Variants in NMNAT2 observed in about 807,000 individuals in gnomAD.
NMNAT2 encodes the protein nicotinamide/nicotinic acid mononucleotide adenylyltransferase 2.
A neutral mutation model predicts 41.6 loss-of-function variants in NMNAT2; 11 were observed. That is an observed-to-expected ratio of 0.26 (90% CI 0.17 to 0.44). NMNAT2 has a LOEUF of 0.44. Among genes scored for constraint, NMNAT2 ranks in the 20% least tolerant of loss-of-function variants. The pLI, the probability that NMNAT2 is intolerant of heterozygous loss-of-function variation, is 1.00. For synonymous variants in NMNAT2, 148 were observed against 151.2 expected, an observed-to-expected ratio of 0.98 and a Z score of 0.16; for missense variants, 288 against 407.7, an observed-to-expected ratio of 0.71 and a Z score of 2.53.
intron 1 of NMNAT2, among the ~76,000 whole-genome samples, chr1:183,373,660 C>T (rs1663604069): frequency 3.3e-5 from 5 of 151,234 alleles, no homozygotes; most frequent in Admixed American, 3.3e-4. Flanking sequence ...CTCTGTTGCC[C>T]AGGCTGGAGT....
chr1:183,365,904 A>G (rs1430262081), intron 1 of NMNAT2, among the ~76,000 whole-genome samples: 1 of 152,196 alleles, frequency 6.6e-6, no homozygotes, highest in Non-Finnish European at 1.5e-5. Context: ...GCAGGCACAG[A>G]CTGCAGATAA....
chr1:183,267,810 G>A (rs1463797759), intron 8 of NMNAT2, among the ~76,000 whole-genome samples: 1 of 152,070 alleles, frequency 6.6e-6, no homozygotes, highest in East Asian at 1.9e-4. Context: ...GTGGGCGAGT[G>A]GCCAATGCGG....
chr1:183,371,157 G>A (rs776337181), intron 1 of NMNAT2, among the ~76,000 whole-genome samples: 5 of 152,242 alleles, frequency 3.3e-5, no homozygotes, highest in African/African-American at 7.2e-5. Flanking sequence ...GGCATTAGAC[G>A]CACCTGATAA....
chr1:183,304,542 C>A (rs1417847164), intron 1 of NMNAT2: 3 of 802,822 alleles, frequency 3.7e-6, no homozygotes, highest in African/African-American at 1.7e-5. Flanking sequence ...CCTAAACAGG[C>A]ATGCACAGAG....
intron 1 of NMNAT2, among the ~76,000 whole-genome samples, chr1:183,361,586 T>A (rs1439407296): frequency 1.8e-5 from 2 of 112,120 alleles, no homozygotes; most frequent in Admixed American, 9.3e-5. Context: ...AAAGTGGCAA[T>A]GGCAAATCCT....
At chr1:183,388,338 G>A (rs1007287101) in intron 1 of NMNAT2, among the ~76,000 whole-genome samples, 1 of 152,226 alleles carries the variant, frequency 6.6e-6, no homozygotes, top group Non-Finnish European at 1.5e-5. Context: ...AGCAAACTGG[G>A]GGCAGAGTGG....
At chr1:183,325,478 ATCTT>A (rs1355117536) in intron 1 of NMNAT2, among the ~76,000 whole-genome samples, 1 of 152,220 alleles carries the variant, frequency 6.6e-6, no homozygotes, top group African/African-American at 2.4e-5. Flanking sequence ...ACTCAGGACT[ATCTT>A]TATGGTTTTC....
Position 183,407,344 on chromosome 1 carries a change from C to G in NMNAT2, c.85+10839G>C, listed in dbSNP as rs143714674. ...CAAGAATTATCTTGATTTTGAAGTCCCTAAGTCACTGGCACCTCGTGTTTG... is the reference window on the plus strand; with the variant it reads ...CAAGAATTATCTTGATTTTGAAGTCGCTAAGTCACTGGCACCTCGTGTTTG... On this transcript the variant is annotated intron_variant, in intron 1 of 10. Coordinates refer to ENST00000287713, the MANE Select transcript of NMNAT2 (RefSeq NM_015039.4). Among the ~76,000 whole-genome samples, 430 of 152,198 alleles carry G rather than the reference C, an allele frequency of 2.8e-3. 2 individuals carry two copies. Among genetic ancestry groups the G allele is most frequent in the Non-Finnish European group, 4.8e-3 (329 of 68,004 alleles).
At chr1:183,415,304 TATTA>T (rs1649224139) in intron 1 of NMNAT2, among the ~76,000 whole-genome samples, 1 of 152,222 alleles carries the variant, frequency 6.6e-6, no homozygotes, top group Non-Finnish European at 1.5e-5. Context: ...AATTTAGTTG[TATTA>T]ATTATTTCCG....
intron 5 of NMNAT2, among the ~76,000 whole-genome samples, chr1:183,285,602 TCCAGGCTTGAAAAGTAA>T: frequency 6.6e-6 from 1 of 152,204 alleles, no homozygotes; most frequent in African/African-American, 2.4e-5. Flanking sequence ...GCTTATGGTC[TCCAGGCTTGAAAAGTAA>T]TATCAGAATC....
chr1:183,304,513 T>C (rs1442990904), intron 1 of NMNAT2, among the ~76,000 whole-genome samples: 2 of 152,170 alleles, frequency 1.3e-5, no homozygotes, highest in African/African-American at 4.8e-5. Flanking sequence ...TACATGCATA[T>C]AGGGATCAGG....
chr1:183,412,305 C>T (rs1376896150), intron 1 of NMNAT2, among the ~76,000 whole-genome samples: 1 of 152,192 alleles, frequency 6.6e-6, no homozygotes, highest in Non-Finnish European at 1.5e-5. Context: ...CTCACTGCAA[C>T]CTCCGCCTCC....
At chr1:183,384,652 A>G (rs1201543464) in intron 1 of NMNAT2, among the ~76,000 whole-genome samples, 1 of 152,174 alleles carries the variant, frequency 6.6e-6, no homozygotes, top group East Asian at 1.9e-4. Flanking sequence ...TTGGGTGGGG[A>G]CACAGATCCA....
At chr1:183,381,145 G>A (rs1309550379) in intron 1 of NMNAT2, among the ~76,000 whole-genome samples, 2 of 152,176 alleles carry the variant, frequency 1.3e-5, no homozygotes, top group Admixed American at 6.5e-5. Context: ...GGTTGTGAGG[G>A]TGTGTGGGAG....
chr1:183,391,156 T>C (rs546009785), intron 1 of NMNAT2, among the ~76,000 whole-genome samples: 1 of 152,168 alleles, frequency 6.6e-6, no homozygotes, highest in Non-Finnish European at 1.5e-5. Flanking sequence ...TCTGCTTCTT[T>C]TGCCTGCTTC....
At chr1:183,319,425 T>C (rs190144893) in intron 1 of NMNAT2, among the ~76,000 whole-genome samples, 81 of 152,350 alleles carry the variant, frequency 5.3e-4, no homozygotes, top group South Asian at 4.8e-3. Context: ...TGCCACTGTT[T>C]AGAAAACCCA....
chr1:183,315,461 C>A (rs1002016361), intron 1 of NMNAT2, among the ~76,000 whole-genome samples: 1 of 149,862 alleles, frequency 6.7e-6, no homozygotes, highest in Non-Finnish European at 1.5e-5. Context: ...TGTGTGTGTG[C>A]GCTTGTGTGT....
chr1:183,360,315 C>A (rs550552686), intron 1 of NMNAT2, among the ~76,000 whole-genome samples: 1 of 152,130 alleles, frequency 6.6e-6, no homozygotes, highest in Non-Finnish European at 1.5e-5. Flanking sequence ...TTAGACTGGG[C>A]AAGATGGAAG....
At chr1:183,399,764 A>C (rs191176552) in intron 1 of NMNAT2, among the ~76,000 whole-genome samples, 1 of 152,356 alleles carries the variant, frequency 6.6e-6, no homozygotes, top group African/African-American at 2.4e-5. Context: ...CAACATACGC[A>C]AATCAATAAA....
Sources: gnomAD v4.1 joint callset for allele counts (sites outside exome capture counted in the v4.1 genomes callset) on GRCh38, gnomAD v4.1.1 for gene constraint, MANE v1.5 for transcripts, NCBI Gene and HGNC (gene_info 2026-07-23, HGNC 2026-07-21) for gene names.